Variants in GPHN observed in about 807,000 individuals in gnomAD.
GPHN encodes gephyrin.
Under a neutral mutation model 95.5 loss-of-function variants are expected in GPHN, and 17 were observed. The observed-to-expected ratio is 0.18, with a 90% CI of 0.12 to 0.27. The LOEUF is 0.27. Among genes scored for constraint, GPHN ranks in the 10% least tolerant of loss-of-function variants. The pLI is 1.00. For missense variants in GPHN, 660 were observed against 978.1 expected, an observed-to-expected ratio of 0.67 and a Z score of 4.34; for synonymous variants, 320 against 322.5, an observed-to-expected ratio of 0.99 and a Z score of 0.08.
At chr14:67,575,706 A>G in the GPHN span, 1 of 806,630 alleles carries the variant, frequency 1.2e-6, no homozygotes, top group South Asian at 1.7e-5. Context: ...CCACCTCCCC[A>G]TCCTGTCATC....
At chr14:67,395,540 A>G in the GPHN span, 2 of 1,614,206 alleles carry the variant, frequency 1.2e-6, no homozygotes, top group Non-Finnish European at 1.7e-6. Context: ...ACAGGCCTCC[A>G]GGAAGTACTC....
intron 13 of GPHN, among the ~76,000 whole-genome samples, chr14:67,106,508 T>C (rs1182314348): frequency 6.6e-6 from 1 of 152,180 alleles, no homozygotes; most frequent in East Asian, 1.9e-4. Context: ...TGTTTCTCTC[T>C]GTCTCTCTCT....
the GPHN span, chr14:67,728,267 C>A: frequency 6.6e-6 from 1 of 152,178 alleles, no homozygotes; most frequent in African/African-American, 2.4e-5. Flanking sequence ...ATAACTATTA[C>A]AATAATAATT....
chr14:67,560,510 T>C, the GPHN span, among the ~76,000 whole-genome samples: 2 of 152,200 alleles, frequency 1.3e-5, no homozygotes, highest in African/African-American at 4.8e-5. Flanking sequence ...CTGTACCTGC[T>C]AAACACTAAC....
At chr14:66,961,866 A>T (rs1471436437) in intron 8 of GPHN, among the ~76,000 whole-genome samples, 1 of 137,960 alleles carries the variant, frequency 7.2e-6, no homozygotes, top group Admixed American at 7.5e-5. Flanking sequence ...GAAGGTATTC[A>T]TACCCTATAA....
chr14:67,264,130 C>T, the GPHN span, among the ~76,000 whole-genome samples: 3 of 152,110 alleles, frequency 2.0e-5, no homozygotes, highest in African/African-American at 4.8e-5. Context: ...GGACATGCAA[C>T]CATATGTACA....
the GPHN span, among the ~76,000 whole-genome samples, chr14:67,670,730 T>C: frequency 1.6e-4 from 25 of 152,268 alleles, no homozygotes; most frequent in South Asian, 3.3e-3. Flanking sequence ...GGTTTCACCA[T>C]GTTGACCAGG....
At chr14:67,198,101 C>G in the GPHN span, 5 of 1,558,648 alleles carry the variant, frequency 3.2e-6, no homozygotes, top group African/African-American at 4.1e-5. Flanking sequence ...ATTAAATTCT[C>G]TCTGTATCCA....
At chr14:66,757,327 GATAT>G (rs748164667) in intron 2 of GPHN, among the ~76,000 whole-genome samples, 1 of 142,358 alleles carries the variant, frequency 7.0e-6, no homozygotes, top group African/African-American at 2.8e-5. Context: ...ATTAAAAAGG[GATAT>G]ATATATATAT....
intron 2 of GPHN, among the ~76,000 whole-genome samples, chr14:66,774,465 T>C (rs1215244620): frequency 6.6e-6 from 1 of 152,238 alleles, no homozygotes; most frequent in Non-Finnish European, 1.5e-5. Context: ...TGGTTAGCAA[T>C]AATGCATATA....
chr14:67,101,565 T>C (rs1294097310), intron 13 of GPHN, among the ~76,000 whole-genome samples: 1 of 151,596 alleles, frequency 6.6e-6, no homozygotes, highest in East Asian at 1.9e-4. Context: ...TAAATAAGTA[T>C]GCTGTTTTAA....
At position 66,922,958 on chromosome 14, in the gene GPHN, C is replaced by T. The variant is rs535338016; in HGVS notation, c.729+20C>T. The T allele has an allele frequency of 6.2e-7, 1 of 1,606,022 alleles. No individual in the cohort carries two copies. The highest frequency in any genetic ancestry group is 1.3e-5 in the African/African-American group (1 of 74,910). On this transcript the variant is annotated intron_variant, in intron 7 of 22. Coordinates refer to ENST00000478722, the MANE Select transcript of GPHN (RefSeq NM_020806.5). ...GCCAAGGTAAGCCTGATGAGAGTTA[C>T]TCAGAGGCCTAAAGGACCCACAGGT...
At chr14:66,976,918 G>GGT (rs1307827508) in intron 9 of GPHN, among the ~76,000 whole-genome samples, 16 of 133,370 alleles carry the variant, frequency 1.2e-4, no homozygotes, top group Admixed American at 1.2e-3. Context: ...AAATATGTGG[G>GGT]GGGGGGGGGA....
At chr14:67,474,093 A>C in the GPHN span, among the ~76,000 whole-genome samples, 2 of 152,106 alleles carry the variant, frequency 1.3e-5, no homozygotes, top group African/African-American at 4.8e-5. Context: ...CTCTACTAAA[A>C]ATACAAAAAT....
chr14:67,445,846 C>G, the GPHN span, among the ~76,000 whole-genome samples: 1 of 152,070 alleles, frequency 6.6e-6, no homozygotes, highest in Non-Finnish European at 1.5e-5. Flanking sequence ...CTTGGCCTCC[C>G]AAGGTGCTGG....
intron 1 of GPHN, among the ~76,000 whole-genome samples, chr14:66,557,509 A>G (rs1252872137): frequency 6.6e-6 from 1 of 152,202 alleles, no homozygotes; most frequent in African/African-American, 2.4e-5. Flanking sequence ...CTTCAGTTAT[A>G]TTGGCAGAAT....
chr14:67,222,076 T>A, the GPHN span: 1 of 395,078 alleles, frequency 2.5e-6, no homozygotes, highest in Non-Finnish European at 4.5e-6. Flanking sequence ...GTTTCCCAGT[T>A]CCCTGTATCT....
At chr14:67,537,790 C>T in the GPHN span, among the ~76,000 whole-genome samples, 1 of 152,210 alleles carries the variant, frequency 6.6e-6, no homozygotes, top group African/African-American at 2.4e-5. Context: ...TCTGGAGTCA[C>T]CTAATGACTT....
rs1595099993 is a variant in GPHN, at chr14:66,587,424, T to A, written c.64+78833T>A. ...ATACCATAGACAAACAAGTATATTA[T>A]AAGAAAAAATTACCAGCCAATATTC... is the stretch of plus-strand genomic sequence containing the variant. On this transcript the variant is annotated intron_variant, in intron 1 of 22. Coordinates refer to ENST00000478722, the MANE Select transcript of GPHN (RefSeq NM_020806.5). Among the ~76,000 whole-genome samples, 4 of 152,272 alleles carry A rather than the reference T, an allele frequency of 2.6e-5. No individual in the cohort carries two copies. In the South Asian group the frequency reaches 8.3e-4, roughly 32 times the overall value.
Sources: gnomAD v4.1 joint callset for allele counts (sites outside exome capture counted in the v4.1 genomes callset) on GRCh38, gnomAD v4.1.1 for gene constraint, MANE v1.5 for transcripts, NCBI Gene and HGNC (gene_info 2026-07-23, HGNC 2026-07-21) for gene names.